Variants in WWOX observed in about 807,000 individuals in gnomAD.
The protein encoded by WWOX is WW domain-containing oxidoreductase.
A neutral mutation model predicts 46.2 loss-of-function variants in WWOX; 69 were observed. The ratio of observed to expected loss-of-function variants is 1.49; its 90% CI spans 1.23 to 1.82. WWOX has a LOEUF of 1.82. WWOX is among the 40% of genes most tolerant of loss of function. The pLI, the probability that WWOX is intolerant of heterozygous loss-of-function variation, is 0.00. For synonymous variants in WWOX, 359 were observed against 202.6 expected (o/e 1.77, Z -6.56); for missense variants, 919 against 542.6 (o/e 1.69, Z -6.89).
rs1471969761 is a variant in WWOX at position 78,342,505 on chromosome 16, CGA to C, written c.517-44351_517-44350del. Among the ~76,000 whole-genome samples the C allele has an allele frequency of 2.5e-5, 3 of 119,762 alleles. 1 individual carries two copies. Among genetic ancestry groups the C allele is most frequent in the African/African-American group, 8.5e-5 (3 of 35,272 alleles). 78.6% of individuals were successfully genotyped at this position (119,762 alleles called of 152,430 possible). On this transcript the variant is annotated intron_variant, in intron 5 of 8. Coordinates refer to ENST00000566780, the MANE Select transcript of WWOX (RefSeq NM_016373.4). ...GTTGCTTCCATCAACATTCCACTGG[CGA>C]GAGTGAGTCCCTGGCCCCTATGTAA...
intron 8 of WWOX, among the ~76,000 whole-genome samples, chr16:78,924,441 C>G (rs1484036948): frequency 6.6e-6 from 1 of 152,056 alleles, no homozygotes; most frequent in Non-Finnish European, 1.5e-5. Context: ...GGAAAGAATC[C>G]CAGCTTTGGA....
intron 8 of WWOX, among the ~76,000 whole-genome samples, chr16:78,871,566 C>G (rs1382046236): frequency 2.0e-5 from 3 of 152,174 alleles, no homozygotes; most frequent in African/African-American, 4.8e-5. Flanking sequence ...TGGTGACAAT[C>G]TAAATCCTAA....
chr16:78,648,177 C>T (rs138834621), intron 8 of WWOX, among the ~76,000 whole-genome samples: 104 of 152,254 alleles, frequency 6.8e-4, no homozygotes, highest in Non-Finnish European at 1.2e-3. Flanking sequence ...GAATGAAAAA[C>T]GGCTATTTCT....
At chr16:78,109,736 CT>C in intron 2 of WWOX, 41 bp from the exon 3 acceptor site, 1 of 1,609,298 alleles carries the variant, frequency 6.2e-7, no homozygotes, top group Non-Finnish European at 8.5e-7. Context: ...ATGGTCTTTA[CT>C]TCTCCCTGGC....
At chr16:78,651,475 C>T (rs946646019) in intron 8 of WWOX, among the ~76,000 whole-genome samples, 3 of 152,200 alleles carry the variant, frequency 2.0e-5, no homozygotes, top group African/African-American at 7.2e-5. Flanking sequence ...GAAGTGTGAG[C>T]AGATTGTTAA....
At chr16:78,788,314 T>TA (rs139765907) in intron 8 of WWOX, among the ~76,000 whole-genome samples, 4,812 of 152,328 alleles carry the variant, frequency 0.032, 264 homozygotes, top group African/African-American at 0.11. Context: ...AGTCTATTGT[T>TA]ACAATATTGC....
At chr16:78,659,892 C>T (rs1346525231) in intron 8 of WWOX, among the ~76,000 whole-genome samples, 1 of 152,192 alleles carries the variant, frequency 6.6e-6, no homozygotes, top group Non-Finnish European at 1.5e-5. Flanking sequence ...CCAGGCTCAA[C>T]TATCAGCCGC....
At chr16:78,149,519 A>T (rs1439371167) in intron 4 of WWOX, among the ~76,000 whole-genome samples, 2 of 152,222 alleles carry the variant, frequency 1.3e-5, no homozygotes, top group Non-Finnish European at 2.9e-5. Flanking sequence ...TACAGCAGGT[A>T]GGTTTATGTA....
At chr16:78,507,840 C>G (rs193160203) in intron 8 of WWOX, among the ~76,000 whole-genome samples, 1 of 152,174 alleles carries the variant, frequency 6.6e-6, no homozygotes, top group Non-Finnish European at 1.5e-5. Flanking sequence ...CCTGTTCAGA[C>G]AAGCTTGTCC....
intron 5 of WWOX, among the ~76,000 whole-genome samples, chr16:78,312,552 T>G (rs373880153): frequency 3.3e-5 from 5 of 152,036 alleles, no homozygotes; most frequent in East Asian, 1.9e-4. Context: ...CTTTTGAATT[T>G]TTAGTAGAGA....
At chr16:78,819,663 A>C (rs1199861230) in intron 8 of WWOX, among the ~76,000 whole-genome samples, 1 of 152,178 alleles carries the variant, frequency 6.6e-6, no homozygotes, top group Admixed American at 6.5e-5. Flanking sequence ...TAACACCACC[A>C]CCTTGCCCTT....
intron 5 of WWOX, among the ~76,000 whole-genome samples, chr16:78,293,491 G>A (rs544181018): frequency 6.6e-6 from 1 of 152,200 alleles, no homozygotes; most frequent in South Asian, 2.1e-4. Flanking sequence ...TTCTTACGGT[G>A]GTTCTAAGCT....
intron 8 of WWOX, among the ~76,000 whole-genome samples, chr16:78,502,931 A>G (rs1204294034): frequency 6.6e-6 from 1 of 152,216 alleles, no homozygotes; most frequent in Admixed American, 6.5e-5. Context: ...AGCGATAGCA[A>G]GGAGCGAAAT....
intron 7 of WWOX, among the ~76,000 whole-genome samples, chr16:78,430,764 C>T (rs921913440): frequency 2.6e-5 from 4 of 152,044 alleles, no homozygotes; most frequent in Non-Finnish European, 4.4e-5. Flanking sequence ...TTGTTGATGA[C>T]TTTAGAGCAG....
chr16:78,798,973 T>A (rs1318499356), intron 8 of WWOX, among the ~76,000 whole-genome samples: 1 of 152,152 alleles, frequency 6.6e-6, no homozygotes, highest in Non-Finnish European at 1.5e-5. Context: ...TCTTGGTCTA[T>A]TAATTCAGGA....
intron 8 of WWOX, among the ~76,000 whole-genome samples, chr16:78,919,055 G>C (rs557012772): frequency 6.6e-6 from 1 of 152,098 alleles, no homozygotes; most frequent in African/African-American, 2.4e-5. Flanking sequence ...AGCAGCCGCT[G>C]CCAAGGGGGG....
At chr16:78,312,148 G>T (rs926572871) in intron 5 of WWOX, among the ~76,000 whole-genome samples, 17 of 152,172 alleles carry the variant, frequency 1.1e-4, no homozygotes, top group African/African-American at 4.1e-4. Flanking sequence ...GGTCTCAGCT[G>T]GATAGCTATC....
At chr16:78,502,368 C>G (rs1176894146) in intron 8 of WWOX, among the ~76,000 whole-genome samples, 2 of 152,200 alleles carry the variant, frequency 1.3e-5, no homozygotes, top group Admixed American at 6.5e-5. Context: ...CTGGCAACCA[C>G]TAACCAATCT....
intron 8 of WWOX, among the ~76,000 whole-genome samples, chr16:79,105,044 G>A (rs1195682853): frequency 6.6e-6 from 1 of 152,102 alleles, no homozygotes; most frequent in Non-Finnish European, 1.5e-5. Context: ...AGAGTTTTCA[G>A]TTTACAAAAG....
Sources: gnomAD v4.1 joint callset for allele counts (sites outside exome capture counted in the v4.1 genomes callset) on GRCh38, gnomAD v4.1.1 for gene constraint, MANE v1.5 for transcripts, NCBI Gene and HGNC (gene_info 2026-07-23, HGNC 2026-07-21) for gene names.